Variants in NMD3 observed in about 807,000 individuals in gnomAD.
NMD3 encodes 60S ribosomal export protein NMD3.
In NMD3, 47 loss-of-function variants were observed where a neutral mutation model predicts 73.1. The ratio of observed to expected loss-of-function variants is 0.64; its 90% CI spans 0.51 to 0.82. NMD3 has a LOEUF of 0.82. NMD3 is among the 40% of genes least tolerant of loss of function. NMD3 has a pLI of 0.00. For missense variants in NMD3, 554 were observed against 612.5 expected (o/e 0.90, Z 1.01); for synonymous variants, 210 against 194.5 (o/e 1.08, Z -0.66).
intron 7 of NMD3, among the ~76,000 whole-genome samples, chr3:161,236,912 A>G (rs910814177): frequency 1.3e-5 from 2 of 152,164 alleles, no homozygotes; most frequent in Non-Finnish European, 1.5e-5. Flanking sequence ...ATTGATCTAT[A>G]TATCTATCCT....
chr3:161,233,771 C>T (rs1425366244), intron 5 of NMD3, among the ~76,000 whole-genome samples: 1 of 151,554 alleles, frequency 6.6e-6, no homozygotes, highest in Non-Finnish European at 1.5e-5. Context: ...TGTAATGACT[C>T]ATCATAACTG....
At position 161,251,441 on chromosome 3, in the gene NMD3, A is replaced by G. The variant is rs1419222591; in HGVS notation, c.*531A>G. On this transcript the variant is annotated 3_prime_UTR_variant, in exon 16 of 16. Coordinates refer to ENST00000351193, the MANE Select transcript of NMD3 (RefSeq NM_015938.5). ...CACTGGACATTCAGGAGGCAAGTCA[A>G]TCTTTTTTATTTCCTTATAAAATTA... is the stretch of plus-strand genomic sequence containing the variant. The G allele has an allele frequency of 6.6e-6, 1 of 152,118 alleles. No individual in the cohort carries two copies. The highest frequency in any genetic ancestry group is 1.5e-5 in the Non-Finnish European group (1 of 68,000). The allele number at this position is 152,118 out of a possible 1,614,324, so 9.4% of individuals were successfully genotyped here.
At chr3:161,241,495 A>G (rs1736984102) in intron 10 of NMD3, among the ~76,000 whole-genome samples, 1 of 143,896 alleles carries the variant, frequency 6.9e-6, no homozygotes. Flanking sequence ...ATCTCAGCTC[A>G]CTGCAACCTC....
At chr3:161,235,017 T>C (rs116387603) in intron 6 of NMD3, 105 bp from the exon 7 acceptor site, 20,951 of 951,440 alleles carry the variant, frequency 0.022, 326 homozygotes, top group African/African-American at 0.024. Context: ...AAGATTGTTA[T>C]TGTTTGAAAA....
At chr3:161,250,399 T>C in intron 15 of NMD3, 73 bp downstream of exon 15, 1 of 875,596 alleles carries the variant, frequency 1.1e-6, no homozygotes. Context: ...TATTTTGGTA[T>C]CTTAAGCTTT....
chr3:161,246,316 A>G lies in NMD3; in HGVS notation c.1018-20A>G, dbSNP rs555822559. 37 of 879,666 alleles carry G rather than the reference A, an allele frequency of 4.2e-5. No individual in the cohort carries two copies. In the South Asian group the frequency reaches 6.7e-4, roughly 16 times the overall value. 54.5% of individuals were successfully genotyped at this position (879,666 alleles called of 1,614,324 possible). On this transcript the variant is annotated intron_variant, in intron 11 of 15. Transcript: ENST00000351193. ...AGTTATGTTTAGATTATTGAAGAGTACATTTTCTTTCCTCTTAAGCATACC... is the reference window on the plus strand; with the variant it reads ...AGTTATGTTTAGATTATTGAAGAGTGCATTTTCTTTCCTCTTAAGCATACC...
rs776290725 is a variant in NMD3 at position 161,251,200 on chromosome 3, T to C, written c.*290T>C. 4.3e-6 allele frequency: 1 copy of C among 229,934 alleles called. No homozygotes were observed. 14.2% of individuals were successfully genotyped at this position (229,934 alleles called of 1,614,324 possible). ...TATGAGGCACTGTAGTATTTTCACATAGTATAGTACTCTGGATGTAAAAGC... is the reference window on the plus strand; with the variant it reads ...TATGAGGCACTGTAGTATTTTCACACAGTATAGTACTCTGGATGTAAAAGC... On this transcript the variant is annotated 3_prime_UTR_variant, in exon 16 of 16. Coordinates refer to ENST00000351193, the MANE Select transcript of NMD3 (RefSeq NM_015938.5).
In NMD3 at chr3:161,250,324, G is replaced by A. The variant is rs1737432440; in HGVS notation, c.1379G>A (p.Arg460Lys). The A allele has an allele frequency of 2.5e-6, 4 of 1,590,822 alleles. No individual in the cohort carries two copies. The African/African-American group carries it at 4.0e-5, about 16-fold the overall frequency. The stretch of plus-strand genomic sequence containing the variant: ...ATTCGAAAAAATGTCAACATTTACA[G>A]AGGTTGGTGTTCTAGGAGTGTTTAA... ...EAIRKNVNIY[R>K]DSAIPVESDT... is the part of the protein sequence containing the mutation. Residue 460 changes from arginine (R) to lysine (K), a missense_variant and splice_region_variant, in exon 15 of 16, where the codon AGA becomes AAA. By Grantham distance (26) the Arg-to-Lys change is conservative. Coordinates refer to ENST00000351193, the MANE Select transcript of NMD3 (RefSeq NM_015938.5).
chr3:161,237,643 G>A (rs535768254), intron 7 of NMD3, among the ~76,000 whole-genome samples: 7 of 149,826 alleles, frequency 4.7e-5, no homozygotes, highest in South Asian at 4.2e-4. Flanking sequence ...GGATTCAAGC[G>A]ATTCTCCTGC....
At chr3:161,230,301 C>A (rs1736483862) in intron 4 of NMD3, among the ~76,000 whole-genome samples, 1 of 152,034 alleles carries the variant, frequency 6.6e-6, no homozygotes, top group Non-Finnish European at 1.5e-5. Context: ...CTCTCTCTTT[C>A]TCTCTCTTTT....
At chr3:161,221,958 CTTTTTTTTTT>C (rs376329329) in intron 1 of NMD3, 26 bp from the exon 2 acceptor site, 17,550 of 866,464 alleles carry the variant, frequency 0.02, 156 homozygotes, top group Non-Finnish European at 0.026. Flanking sequence ...CCAACATTCT[CTTTTTTTTTT>C]TTTTTTTTTT....
chr3:161,249,342 T>C (rs1737382083), intron 13 of NMD3, 112 bp from the exon 14 acceptor site: 1 of 644,300 alleles, frequency 1.6e-6, no homozygotes, highest in South Asian at 2.1e-5. Flanking sequence ...TTCTCCTTTC[T>C]CCTGAGGTGT....
At chr3:161,227,920 C>A (rs776745569) in intron 4 of NMD3, among the ~76,000 whole-genome samples, 1 of 151,466 alleles carries the variant, frequency 6.6e-6, no homozygotes, top group Non-Finnish European at 1.5e-5. Flanking sequence ...AATTTTTTAA[C>A]GGAAATTTTT....
intron 7 of NMD3, among the ~76,000 whole-genome samples, chr3:161,237,528 A>G (rs1463894564): frequency 6.8e-6 from 1 of 146,478 alleles, no homozygotes; most frequent in Non-Finnish European, 1.5e-5. Context: ...TTATTACATA[A>G]AATAACTTTC....
chr3:161,250,797 G>A lies in NMD3; in HGVS notation c.1399G>A (p.Glu467Lys). Residue 467 changes from glutamate (E) to lysine (K), a missense_variant, in exon 16 of 16, where the codon GAA becomes AAA. Glu to Lys is a moderately conservative substitution (Grantham distance 56). Coordinates refer to ENST00000351193, the MANE Select transcript of NMD3 (RefSeq NM_015938.5). ...NIYRDSAIPV[E>K]SDTDDEGAPR... is the part of the protein sequence containing the mutation. ...TTTTTTAGATTCAGCCATCCCTGTG[G>A]AAAGTGACACCGATGATGAAGGAGC... The A allele has an allele frequency of 1.2e-6, 2 of 1,609,342 alleles. No individual in the cohort carries two copies. The highest frequency in any genetic ancestry group is 1.7e-4 in the Middle Eastern group (1 of 6,042).
chr3:161,234,627 T>A lies in NMD3; in HGVS notation c.358-100T>A, dbSNP rs1347770148. ...TTGATTGATGTCCTCAAAGCATTAA[T>A]GGAAAAAGTTTTAAATTAAATATTA... On this transcript the variant is annotated intron_variant, in intron 5 of 15. Transcript: ENST00000351193. 47 of 987,788 alleles carry A rather than the reference T, an allele frequency of 4.8e-5. 1 individual carries two copies. Among genetic ancestry groups the A allele is most frequent in the Non-Finnish European group, 4.7e-5 (32 of 682,698 alleles). The allele number at this position is 987,788 out of a possible 1,614,324, so 61.2% of individuals were successfully genotyped here.
intron 4 of NMD3, among the ~76,000 whole-genome samples, chr3:161,232,241 GT>G (rs1736573199): frequency 6.7e-6 from 1 of 148,424 alleles, no homozygotes; most frequent in South Asian, 2.1e-4. Flanking sequence ...ACTAGGCTTT[GT>G]TTTAGGGAGG....
At position 161,252,048 on chromosome 3, in the gene NMD3, T is replaced by G. The variant is rs958135273; in HGVS notation, c.*1138T>G. Reference sequence around the variant, plus strand: ...TTTTCTTTTTTTTAATATTGGACTTTCCAATTTTGAAATTATGGATAAAGT... The same window carrying G: ...TTTTCTTTTTTTTAATATTGGACTTGCCAATTTTGAAATTATGGATAAAGT... On this transcript the variant is annotated 3_prime_UTR_variant, in exon 16 of 16. Transcript: ENST00000351193. The G allele has an allele frequency of 1.2e-4, 19 of 152,208 alleles. No individual in the cohort carries two copies. The highest frequency in any genetic ancestry group is 1.8e-4 in the Non-Finnish European group (12 of 68,038). 9.4% of individuals were successfully genotyped at this position (152,208 alleles called of 1,614,324 possible). A position where few individuals can be genotyped will look rare whatever the true frequency, so the allele number is the denominator to read the frequency against.
chr3:161,224,361 C>T (rs766735174), intron 2 of NMD3, among the ~76,000 whole-genome samples: 5 of 152,126 alleles, frequency 3.3e-5, no homozygotes, highest in Non-Finnish European at 7.3e-5. Flanking sequence ...CAGTACTGAC[C>T]TTCTAGAACC....
Sources: gnomAD v4.1 joint callset for allele counts (sites outside exome capture counted in the v4.1 genomes callset) on GRCh38, gnomAD v4.1.1 for gene constraint, MANE v1.5 for transcripts, NCBI Gene and HGNC (gene_info 2026-07-23, HGNC 2026-07-21) for gene names.